CPNE4: variants seen among roughly 807,000 people sequenced by gnomAD.
CPNE4 encodes copine-4.
Under a neutral mutation model 67.9 loss-of-function variants are expected in CPNE4, and 25 were observed. The ratio of observed to expected loss-of-function variants is 0.37; its 90% CI spans 0.27 to 0.51. CPNE4 has a LOEUF of 0.51. Among genes scored for constraint, CPNE4 ranks in the 20% least tolerant of loss-of-function variants. The pLI is 0.93. For missense variants in CPNE4, 464 were observed against 690.8 expected, an observed-to-expected ratio of 0.67 and a Z score of 3.68; for synonymous variants, 242 against 244.9, an observed-to-expected ratio of 0.99 and a Z score of 0.11.
At chr3:131,789,855 G>A (rs2083670627) in intron 2 of CPNE4, among the ~76,000 whole-genome samples, 1 of 152,094 alleles carries the variant, frequency 6.6e-6, no homozygotes, top group South Asian at 2.1e-4. Context: ...TTCTGCACAA[G>A]CAACCTTAGA....
At chr3:131,895,284 T>C in intron 2 of CPNE4, among the ~76,000 whole-genome samples, 1 of 152,066 alleles carries the variant, frequency 6.6e-6, no homozygotes, top group African/African-American at 2.4e-5. Context: ...TACCTTCTGG[T>C]GTTTTAATGC....
At chr3:131,667,566 G>A (rs573674857) in intron 7 of CPNE4, among the ~76,000 whole-genome samples, 2 of 152,006 alleles carry the variant, frequency 1.3e-5, no homozygotes, top group East Asian at 3.9e-4. Flanking sequence ...CGTCAATAGT[G>A]CACGTGTGGA....
intron 3 of CPNE4, among the ~76,000 whole-genome samples, chr3:131,721,934 C>A (rs955140874): frequency 6.6e-6 from 1 of 152,204 alleles, no homozygotes; most frequent in South Asian, 2.1e-4. Flanking sequence ...CTTCAAAAGT[C>A]ATTAGAGAAC....
At chr3:131,657,992 A>G (rs2080022793) in intron 7 of CPNE4, among the ~76,000 whole-genome samples, 1 of 151,942 alleles carries the variant, frequency 6.6e-6, no homozygotes, top group African/African-American at 2.4e-5. Flanking sequence ...CCTTGCCTTG[A>G]TTTTTCTATG....
At chr3:131,699,292 C>A (rs779559877) in intron 4 of CPNE4, among the ~76,000 whole-genome samples, 1 of 152,174 alleles carries the variant, frequency 6.6e-6, no homozygotes, top group Non-Finnish European at 1.5e-5. Context: ...CCACTTGTAA[C>A]TATTGAGCAC....
intron 1 of CPNE4, among the ~76,000 whole-genome samples, chr3:131,936,691 T>C (rs975306559): frequency 4.0e-5 from 6 of 151,642 alleles, no homozygotes; most frequent in Non-Finnish European, 1.5e-5. Flanking sequence ...TCTTAGAAAA[T>C]GTCATGGACA....
At chr3:131,541,912 A>C (rs112478470) in intron 15 of CPNE4, among the ~76,000 whole-genome samples, 5,990 of 152,100 alleles carry the variant, frequency 0.039, 281 homozygotes, top group African/African-American at 0.11. Context: ...CTCAGGCGAT[A>C]CACCCACCTT....
At chr3:131,538,563 A>C (rs1011930237) in intron 15 of CPNE4, among the ~76,000 whole-genome samples, 1 of 152,264 alleles carries the variant, frequency 6.6e-6, no homozygotes, top group African/African-American at 2.4e-5. Flanking sequence ...TTTGCAATGC[A>C]TGTATCATTT....
intron 2 of CPNE4, among the ~76,000 whole-genome samples, chr3:131,812,209 T>A (rs1315982208): frequency 3.5e-5 from 4 of 114,456 alleles, no homozygotes; most frequent in African/African-American, 3.2e-5. Context: ...AATAAGTTGG[T>A]AAAATTGGAA....
At chr3:131,647,546 A>C (rs534529736) in intron 7 of CPNE4, among the ~76,000 whole-genome samples, 17 of 152,302 alleles carry the variant, frequency 1.1e-4, no homozygotes, top group African/African-American at 3.6e-4. Context: ...TTTTGGATCT[A>C]AGAATAGGGG....
chr3:131,912,381 G>C (rs2089011662), intron 1 of CPNE4, among the ~76,000 whole-genome samples: 1 of 152,070 alleles, frequency 6.6e-6, no homozygotes, highest in Non-Finnish European at 1.5e-5. Context: ...TCTTAAGACT[G>C]TGTCAAGAAT....
At chr3:131,588,972 T>C (rs1407085631) in intron 7 of CPNE4, among the ~76,000 whole-genome samples, 1 of 152,182 alleles carries the variant, frequency 6.6e-6, no homozygotes, top group Non-Finnish European at 1.5e-5. Flanking sequence ...AAAATGTATA[T>C]AGGCTAGCAG....
intron 3 of CPNE4, among the ~76,000 whole-genome samples, chr3:131,722,473 G>A (rs2081912186): frequency 6.7e-6 from 1 of 149,112 alleles, no homozygotes; most frequent in Non-Finnish European, 1.5e-5. Context: ...ACCCCTATGA[G>A]TTGCTTATAT....
At chr3:131,846,358 T>C (rs1415485540) in intron 2 of CPNE4, among the ~76,000 whole-genome samples, 3 of 152,172 alleles carry the variant, frequency 2.0e-5, no homozygotes, top group Non-Finnish European at 4.4e-5. Context: ...TCCAACACTC[T>C]TGAGGGAATG....
At chr3:132,035,103 T>G, upstream of CPNE4, 1 of 975,584 alleles carries the variant, frequency 1.0e-6, no homozygotes, top group East Asian at 1.1e-4. Context: ...GAGACGAGCA[T>G]TGCCCCGGGA....
At chr3:131,732,745 T>A (rs992776624) in intron 2 of CPNE4, among the ~76,000 whole-genome samples, 1 of 152,238 alleles carries the variant, frequency 6.6e-6, no homozygotes, top group African/African-American at 2.4e-5. Flanking sequence ...TGCTGGAACT[T>A]TGATTGATTC....
chr3:131,553,591 GT>G, intron 12 of CPNE4, among the ~76,000 whole-genome samples: 1 of 152,150 alleles, frequency 6.6e-6, no homozygotes, highest in East Asian at 1.9e-4. Flanking sequence ...TTAAGCACCA[GT>G]TGCCAACAGC....
At chr3:131,766,006 A>G (rs1184941681) in intron 2 of CPNE4, among the ~76,000 whole-genome samples, 3 of 152,100 alleles carry the variant, frequency 2.0e-5, no homozygotes, top group Non-Finnish European at 4.4e-5. Flanking sequence ...ATGACAGGGA[A>G]GGTGGGCCTT....
chr3:131,969,019 T>C (rs1209183321), intron 1 of CPNE4, among the ~76,000 whole-genome samples: 1 of 151,942 alleles, frequency 6.6e-6, no homozygotes, highest in Non-Finnish European at 1.5e-5. Flanking sequence ...TGGAATACTA[T>C]GATGCCATAA....
Sources: allele counts gnomAD v4.1 joint callset (sites outside exome capture counted in the v4.1 genomes callset), GRCh38; gene constraint gnomAD v4.1.1; transcripts MANE v1.5; gene names NCBI Gene and HGNC (gene_info 2026-07-23, HGNC 2026-07-21).